The following ANKRD30B variants were observed in gnomAD, a reference collection of about 807,000 sequenced individuals.
ANKRD30B encodes ankyrin repeat domain-containing protein 30B.
A neutral mutation model predicts 202.2 loss-of-function variants in ANKRD30B; 144 were observed. The ratio of observed to expected loss-of-function variants is 0.71; its 90% CI spans 0.62 to 0.82. ANKRD30B has a LOEUF of 0.82. Ranked by LOEUF, ANKRD30B falls within the 40% of genes least tolerant of loss-of-function variation. The pLI is 0.00. For missense variants in ANKRD30B, 1,487 were observed against 1,669.1 expected (o/e 0.89, Z 1.90); for synonymous variants, 508 against 561.3 (o/e 0.91, Z 1.34).
the ANKRD30B span, among the ~76,000 whole-genome samples, chr18:14,909,583 T>C: frequency 6.6e-6 from 1 of 152,078 alleles, no homozygotes; most frequent in African/African-American, 2.4e-5. Flanking sequence ...TTTTTTTGTA[T>C]TTTTAGTACA....
chr18:14,788,548 C>T (rs1201793764), intron 15 of ANKRD30B, among the ~76,000 whole-genome samples: 1 of 152,110 alleles, frequency 6.6e-6, no homozygotes, highest in Non-Finnish European at 1.5e-5. Flanking sequence ...TCCCCGCTCC[C>T]CCCACCCCAC....
intron 24 of ANKRD30B, 27 bp from the exon 25 acceptor site, chr18:14,808,524 C>G (rs769788997): frequency 4.3e-6 from 6 of 1,403,316 alleles, no homozygotes; most frequent in Non-Finnish European, 6.0e-6. Flanking sequence ...TGCATATAAT[C>G]AATTATATAT....
chr18:14,861,547 G>A, the ANKRD30B span, among the ~76,000 whole-genome samples: 1 of 150,370 alleles, frequency 6.7e-6, no homozygotes, highest in African/African-American at 2.5e-5. Context: ...TATAATGATG[G>A]AGTGTTCAAT....
intron 32 of ANKRD30B, among the ~76,000 whole-genome samples, chr18:14,826,656 TTCTC>T (rs376160221): frequency 5.3e-5 from 7 of 131,468 alleles, no homozygotes; most frequent in African/African-American, 1.1e-4. Context: ...TCTGTATTGT[TTCTC>T]TCTCTCTCTC....
intron 34 of ANKRD30B, among the ~76,000 whole-genome samples, chr18:14,833,157 G>A (rs71350513): frequency 4.6e-5 from 7 of 150,788 alleles, no homozygotes; most frequent in Non-Finnish European, 8.8e-5. Flanking sequence ...GGATGGTGTC[G>A]ATCTCTTCAC....
At chr18:14,856,115 C>T (rs770575705), downstream of ANKRD30B, among the ~76,000 whole-genome samples, 148 of 135,662 alleles carry the variant, frequency 1.1e-3, no homozygotes, top group Non-Finnish European at 1.6e-3. Context: ...ACCTCCCAGA[C>T]GGGGAGACCA....
At position 14,791,463 on chromosome 18, in the gene ANKRD30B, A is replaced by C. The variant is rs561851379; in HGVS notation, c.1797A>C (p.Glu599Asp). The change falls in exon 16 of 44, where the codon GAA becomes GAC. Residue 599 changes from glutamate to aspartate, a missense_variant. By Grantham distance (45) the Glu-to-Asp change is conservative (BLOSUM62 2). Coordinates refer to ENST00000690538, the MANE Select transcript of ANKRD30B (RefSeq NM_001367607.2). ...TACCCAAAGCTACACATCAAAAAGA[A>C]TTCGATACCTTAAGTGGAAAATTAG... ...VYLPKATHQK[E>D]FDTLSGKLEE... 1.2e-6 allele frequency: 2 copies of C among 1,611,076 alleles called. No individual in the cohort carries two copies. Among genetic ancestry groups the C allele is most frequent in the South Asian group, 2.2e-5 (2 of 90,540 alleles).
the ANKRD30B span, among the ~76,000 whole-genome samples, chr18:14,902,172 G>A: frequency 6.6e-6 from 1 of 152,060 alleles, no homozygotes; most frequent in Non-Finnish European, 1.5e-5. Flanking sequence ...TTTCCAACCC[G>A]GTCCCTGCCA....
intron 9 of ANKRD30B, among the ~76,000 whole-genome samples, chr18:14,777,590 C>T (rs920330621): frequency 1.3e-5 from 2 of 151,846 alleles, no homozygotes; most frequent in African/African-American, 4.8e-5. Context: ...ACCACTGCAC[C>T]TGGCCCCATA....
chr18:14,834,181 A>T (rs1004801693), intron 34 of ANKRD30B, among the ~76,000 whole-genome samples: 2 of 152,176 alleles, frequency 1.3e-5, no homozygotes, highest in African/African-American at 2.4e-5. Flanking sequence ...TTTTCCATAC[A>T]AGAGGTAATT....
At chr18:14,880,104 G>A in the ANKRD30B span, among the ~76,000 whole-genome samples, 1 of 151,972 alleles carries the variant, frequency 6.6e-6, no homozygotes, top group South Asian at 2.1e-4. Flanking sequence ...CATGTGGCTC[G>A]CCAATTATCC....
chr18:14,929,362 C>T, the ANKRD30B span, among the ~76,000 whole-genome samples: 1 of 152,290 alleles, frequency 6.6e-6, no homozygotes, highest in East Asian at 1.9e-4. Context: ...TAATGTCCAT[C>T]CTCCTGTAGA....
chr18:14,836,546 TC>T (rs1298849552), intron 34 of ANKRD30B, among the ~76,000 whole-genome samples: 10 of 152,136 alleles, frequency 6.6e-5, no homozygotes, highest in Admixed American at 6.6e-4. Context: ...TTGCCCCATC[TC>T]CCCATGTTCA....
rs908714700 is a variant in ANKRD30B, at chr18:14,804,618, A to C, written c.2284+794A>C. On this transcript the variant is annotated intron_variant, in intron 24 of 43. Transcript: ENST00000690538. ...CCTTTGTGGGAAAAAATGTGGAAGA[A>C]GGGCCATTGGGTAGAAGGTCAGGAC... Among the ~76,000 whole-genome samples, 23 of 150,762 alleles carry C rather than the reference A, an allele frequency of 1.5e-4. 1 individual carries two copies. The highest frequency in any genetic ancestry group is 5.7e-4 in the African/African-American group (23 of 40,682).
chr18:14,793,299 T>C (rs1968649266), intron 16 of ANKRD30B, among the ~76,000 whole-genome samples: 1 of 152,148 alleles, frequency 6.6e-6, no homozygotes, highest in Non-Finnish European at 1.5e-5. Flanking sequence ...CTGTGTACTT[T>C]CTCAATGACA....
At chr18:14,766,371 G>A (rs772837763) in intron 7 of ANKRD30B, among the ~76,000 whole-genome samples, 1 of 150,288 alleles carries the variant, frequency 6.7e-6, no homozygotes, top group Admixed American at 6.7e-5. Context: ...TACTCAGGAG[G>A]CTGAGGCAGG....
chr18:14,892,227 A>G, the ANKRD30B span, among the ~76,000 whole-genome samples: 61 of 152,338 alleles, frequency 4.0e-4, no homozygotes, highest in East Asian at 0.011. Flanking sequence ...TTTCATGATC[A>G]GTTATTAGGG....
chr18:14,758,025 T>TA, intron 5 of ANKRD30B, 73 bp downstream of exon 5: 2 of 1,481,378 alleles, frequency 1.4e-6, no homozygotes, highest in Non-Finnish European at 1.8e-6. Context: ...GACAGTGACT[T>TA]AGTTCACTTC....
At position 14,822,609 on chromosome 18, in the gene ANKRD30B, C is replaced by T. The variant is rs921842923; in HGVS notation, c.2675C>T (p.Thr892Ile). 2 of 1,405,294 alleles carry T rather than the reference C, an allele frequency of 1.4e-6. No individual in the cohort carries two copies. Among genetic ancestry groups the T allele is most frequent in the African/African-American group, 2.9e-5 (2 of 68,882 alleles). The allele number at this position is 1,405,294 out of a possible 1,614,324, so 87.1% of individuals were successfully genotyped here. Residue 892 changes from threonine to isoleucine, a missense_variant, in exon 32 of 44, where the codon ACC becomes ATC. This residue lies in a region of ANKRD30B where 218 missense variants were observed against 320.1 expected (regional missense o/e 0.68). Transcript: ENST00000690538. ...SPDKDGLLKP[T>I]CGMKISLPNK... ...TGTGTTTCCAAACCCATTTAGCCTACCTGTGGAATGAAAATTTCTCTTCCA... is the reference window on the plus strand; with the variant it reads ...TGTGTTTCCAAACCCATTTAGCCTATCTGTGGAATGAAAATTTCTCTTCCA...
Sources: allele counts gnomAD v4.1 joint callset (sites outside exome capture counted in the v4.1 genomes callset), GRCh38; gene constraint gnomAD v4.1.1; regional missense constraint gnomAD v4.1.1; transcripts MANE v1.5; gene names NCBI Gene and HGNC (gene_info 2026-07-23, HGNC 2026-07-21).